The following CYP7B1 variants were observed in gnomAD, a reference collection of about 807,000 sequenced individuals.
CYP7B1 encodes cytochrome P450 family 7 subfamily B member 1.
A neutral mutation model predicts 42.7 loss-of-function variants in CYP7B1; 29 were observed. That is an observed-to-expected ratio of 0.68 (90% CI 0.51 to 0.93). The LOEUF (loss-of-function observed/expected upper bound fraction) is 0.93. Among genes scored for constraint, CYP7B1 ranks in the 40% least tolerant of loss-of-function variants. The pLI, the probability that CYP7B1 is intolerant of heterozygous loss-of-function variation, is 0.00. For missense variants in CYP7B1, 655 were observed against 600.5 expected, an observed-to-expected ratio of 1.09 and a Z score of -0.95; for synonymous variants, 235 against 218.2, an observed-to-expected ratio of 1.08 and a Z score of -0.68.
intron 1 of CYP7B1, among the ~76,000 whole-genome samples, chr8:64,777,708 T>C (rs1804349498): frequency 6.6e-6 from 1 of 152,074 alleles, no homozygotes; most frequent in Non-Finnish European, 1.5e-5. Flanking sequence ...CCATGTTATC[T>C]ATAACCCAAA....
chr8:64,749,370 C>T (rs1807695003), intron 1 of CYP7B1, among the ~76,000 whole-genome samples: 1 of 152,100 alleles, frequency 6.6e-6, no homozygotes, highest in African/African-American at 2.4e-5. Context: ...TGTGAGCCAC[C>T]AAGCCCAGCC....
At chr8:64,673,934 C>A (rs1290685923) in intron 1 of CYP7B1, among the ~76,000 whole-genome samples, 2 of 152,052 alleles carry the variant, frequency 1.3e-5, no homozygotes, top group Non-Finnish European at 2.9e-5. Context: ...ATGATTATAT[C>A]TGATATCCAC....
chr8:64,623,997 G>T (rs529557081), intron 2 of CYP7B1, among the ~76,000 whole-genome samples: 4 of 152,092 alleles, frequency 2.6e-5, no homozygotes, highest in Admixed American at 1.3e-4. Flanking sequence ...ACTGTGATTG[G>T]GGGGAGGGGG....
chr8:64,669,241 C>T (rs1412203251), intron 1 of CYP7B1, among the ~76,000 whole-genome samples: 7 of 152,080 alleles, frequency 4.6e-5, no homozygotes, highest in Admixed American at 2.0e-4. Flanking sequence ...ACTATTAGCA[C>T]TTTTCAGCTC....
chr8:64,649,125 C>T (rs1351805010), intron 1 of CYP7B1, among the ~76,000 whole-genome samples: 1 of 152,180 alleles, frequency 6.6e-6, no homozygotes, highest in Non-Finnish European at 1.5e-5. Flanking sequence ...GCCCACTAAA[C>T]CTTTTAATCG....
chr8:64,746,991 T>C (rs1473319888), intron 1 of CYP7B1, among the ~76,000 whole-genome samples: 1 of 151,620 alleles, frequency 6.6e-6, no homozygotes, highest in Non-Finnish European at 1.5e-5. Context: ...TTCTATGTTA[T>C]TGACTTTATT....
At chr8:64,653,108 A>G (rs1806065278) in intron 1 of CYP7B1, among the ~76,000 whole-genome samples, 1 of 152,202 alleles carries the variant, frequency 6.6e-6, no homozygotes, top group Non-Finnish European at 1.5e-5. Context: ...GCAAGAGCAA[A>G]TTAACCCCAA....
At chr8:64,587,644 A>G (rs2129629522), downstream of CYP7B1, 1 of 152,308 alleles carries the variant, frequency 6.6e-6, no homozygotes, top group Non-Finnish European at 1.5e-5. Flanking sequence ...AAATTCTACT[A>G]ATTTTTCTAA....
At chr8:64,700,112 G>A (rs192886717) in intron 1 of CYP7B1, among the ~76,000 whole-genome samples, 140 of 152,232 alleles carry the variant, frequency 9.2e-4, no homozygotes, top group Middle Eastern at 3.4e-3. Flanking sequence ...TGGGGACGAC[G>A]CATAGAATTC....
At chr8:64,780,491 T>C (rs918182841) in intron 1 of CYP7B1, among the ~76,000 whole-genome samples, 2 of 152,068 alleles carry the variant, frequency 1.3e-5, no homozygotes, top group Non-Finnish European at 1.5e-5. Flanking sequence ...TAAGCAATTA[T>C]AGACTTAATT....
At chr8:64,699,775 T>A (rs1806885298) in intron 1 of CYP7B1, among the ~76,000 whole-genome samples, 1 of 152,120 alleles carries the variant, frequency 6.6e-6, no homozygotes, top group South Asian at 2.1e-4. Context: ...AAAACCCTCA[T>A]AATGCATAAT....
chr8:64,715,885 G>A (rs192423086), intron 1 of CYP7B1, among the ~76,000 whole-genome samples: 1 of 152,290 alleles, frequency 6.6e-6, no homozygotes, highest in African/African-American at 2.4e-5. Context: ...ATGAAGAAAA[G>A]GGAGAAACAC....
chr8:64,798,563 T>C lies in CYP7B1; in HGVS notation c.25A>G (p.Thr9Ala). The C allele has an allele frequency of 6.7e-7, 1 of 1,491,228 alleles. No individual in the cohort carries two copies. The highest frequency in any genetic ancestry group is 2.8e-5 in the East Asian group (1 of 35,684). The allele number at this position is 1,491,228 out of a possible 1,614,324, so 92.4% of individuals were successfully genotyped here. The change falls in exon 1 of 6, where the codon ACG (threonine) becomes GCG (alanine). Residue 9 changes from threonine (T) to alanine (A), a missense_variant. Coordinates refer to ENST00000310193, the MANE Select transcript of CYP7B1 (RefSeq NM_004820.5). ...AACCGCTCCAGCGAAAAGCGGCCCGTGGCCGCGGACACTTCTCCTGCCATC... is the reference window on the plus strand; with the variant it reads ...AACCGCTCCAGCGAAAAGCGGCCCGCGGCCGCGGACACTTCTCCTGCCATC... MAGEVSAA[T>A]GRFSLERLGL...
At chr8:64,722,640 G>C (rs1052238802) in intron 1 of CYP7B1, among the ~76,000 whole-genome samples, 1 of 148,492 alleles carries the variant, frequency 6.7e-6, no homozygotes, top group East Asian at 2.0e-4. Flanking sequence ...TCACTTTTAT[G>C]GTTTCAACTC....
intron 1 of CYP7B1, among the ~76,000 whole-genome samples, chr8:64,777,185 A>G (rs1213809994): frequency 6.6e-6 from 1 of 151,682 alleles, no homozygotes; most frequent in Non-Finnish European, 1.5e-5. Context: ...AAAAAAAAAA[A>G]AAAAAAAAAA....
At position 64,596,861 on chromosome 8, in the gene CYP7B1, C is replaced by T. The variant is rs1805126217; in HGVS notation, c.1302G>A (p.Lys434=). 2 of 1,613,850 alleles carry T rather than the reference C, an allele frequency of 1.2e-6. No homozygotes were observed. The highest frequency in any genetic ancestry group is 2.2e-5 in the South Asian group (2 of 91,034). The stretch of plus-strand genomic sequence containing the variant: ...CAAACGGCATTAGGTAACACTTCAG[C>T]TTTTTCCCTCTTTTGAAAAAGGTGG... ...KKTTFFKRGK[K]LKCYLMPFGT... The change falls in exon 6 of 6, where the codon AAG becomes AAA. Residue 434 remains lysine, a synonymous_variant. Transcript: ENST00000310193.
chr8:64,748,875 T>G (rs1195888346), intron 1 of CYP7B1, among the ~76,000 whole-genome samples: 1 of 152,154 alleles, frequency 6.6e-6, no homozygotes, highest in Non-Finnish European at 1.5e-5. Context: ...TGCAGATTAG[T>G]AAACTACAGT....
intron 1 of CYP7B1, among the ~76,000 whole-genome samples, chr8:64,625,258 C>T (rs1352506120): frequency 1.3e-5 from 2 of 152,170 alleles, no homozygotes; most frequent in African/African-American, 2.4e-5. Flanking sequence ...CAGGCGTGAG[C>T]CACCGCGCCC....
At chr8:64,661,956 C>T (rs1806204900) in intron 1 of CYP7B1, among the ~76,000 whole-genome samples, 1 of 152,022 alleles carries the variant, frequency 6.6e-6, no homozygotes, top group Admixed American at 6.6e-5. Flanking sequence ...GAATTCCAGG[C>T]CTGTCAATTT....
Sources: allele counts gnomAD v4.1 joint callset (sites outside exome capture counted in the v4.1 genomes callset), GRCh38; gene constraint gnomAD v4.1.1; transcripts MANE v1.5; gene names NCBI Gene and HGNC (gene_info 2026-07-23, HGNC 2026-07-21).